ZNF155: variants seen among roughly 807,000 people sequenced by gnomAD.
ZNF155 encodes the protein zinc finger protein 155.
Under a neutral mutation model 11.9 loss-of-function variants are expected in ZNF155, and 15 were observed. The ratio of observed to expected loss-of-function variants is 1.26; its 90% CI spans 0.84 to 1.94. The LOEUF is 1.94. ZNF155 is among the 30% of genes most tolerant of loss of function. ZNF155 has a pLI of 0.00. For synonymous variants in ZNF155, 212 were observed against 219.9 expected (o/e 0.96, Z 0.32); for missense variants, 602 against 639.1 (o/e 0.94, Z 0.63).
chr19:43,995,434 G>C (rs1207825297), intron 4 of ZNF155, among the ~76,000 whole-genome samples: 2 of 147,590 alleles, frequency 1.4e-5, no homozygotes, highest in East Asian at 3.9e-4. Flanking sequence ...TTTGAGACAG[G>C]GTCTCGCTCT....
rs965129602 is a variant in ZNF155 at position 43,994,967 on chromosome 19, T to C, written c.236-1126T>C. On this transcript the variant is annotated intron_variant, in intron 4 of 4. Coordinates refer to ENST00000270014, the MANE Select transcript of ZNF155 (RefSeq NM_198089.3). The stretch of plus-strand genomic sequence containing the variant: ...ATTTGCCAGTTGCAACCATAAATTA[T>C]ATTGTTTCACTATGCAGAGTGATCC... Among the ~76,000 whole-genome samples the C allele has an allele frequency of 7.9e-5, 12 of 152,306 alleles. No individual in the cohort carries two copies. In the East Asian group the frequency reaches 2.3e-3, roughly 29 times the overall value.
intron 1 of ZNF155, 101 bp downstream of exon 1, chr19:43,984,346 G>C (rs1015531056): frequency 4.6e-5 from 7 of 151,752 alleles, no homozygotes. Context: ...GAGAAGACCT[G>C]AGGTTTGGAG....
rs567206120 is a variant in ZNF155 at position 43,995,300 on chromosome 19, C to T, written c.236-793C>T. The stretch of plus-strand genomic sequence containing the variant: ...CTAATTTTTGTATTTTTAGCAGAGA[C>T]GGGGTTTCAAGGCCAGGCTGGTCTT... On this transcript the variant is annotated intron_variant, in intron 4 of 4. Coordinates refer to ENST00000270014, the MANE Select transcript of ZNF155 (RefSeq NM_198089.3). Among the ~76,000 whole-genome samples, 949 of 151,724 alleles carry T rather than the reference C, an allele frequency of 6.3e-3. 16 individuals are homozygous for T. Among genetic ancestry groups the T allele is most frequent in the African/African-American group, 0.022 (894 of 41,362 alleles).
chr19:43,995,604 G>A (rs775840535), intron 4 of ZNF155, among the ~76,000 whole-genome samples: 1 of 151,880 alleles, frequency 6.6e-6, no homozygotes, highest in African/African-American at 2.4e-5. Context: ...GGCTGGTCTC[G>A]AACTGCTGGA....
chr19:43,994,940 G>C (rs1975781873), intron 4 of ZNF155, among the ~76,000 whole-genome samples: 1 of 152,076 alleles, frequency 6.6e-6, no homozygotes, highest in Non-Finnish European at 1.5e-5. Context: ...ATCCCCCAAA[G>C]GATTTGCCAG....
Position 43,997,546 on chromosome 19 carries a change from A to G in ZNF155, c.*72A>G. On this transcript the variant is annotated 3_prime_UTR_variant, in exon 5 of 5. Transcript: ENST00000270014. ...CAATTTATAGTGATCCAATCAGTGT[A>G]ATTGGTGTATCTGTTACCTCAAACA... 8.0e-7 allele frequency: 1 copy of G among 1,247,738 alleles called. No individual in the cohort carries two copies. The highest frequency in any genetic ancestry group is 1.1e-6 in the Non-Finnish European group (1 of 914,848). 77.3% of individuals were successfully genotyped at this position (1,247,738 alleles called of 1,614,324 possible).
At chr19:43,986,156 A>C (rs554318311) in intron 1 of ZNF155, among the ~76,000 whole-genome samples, 2 of 152,326 alleles carry the variant, frequency 1.3e-5, no homozygotes, top group African/African-American at 4.8e-5. Context: ...GAGCATTTTA[A>C]AATTAGATTA....
intron 2 of ZNF155, among the ~76,000 whole-genome samples, chr19:43,989,395 A>G (rs405763): frequency 0.38 from 57,553 of 152,118 alleles, 11,881 homozygotes; most frequent in East Asian, 0.55. Context: ...GTGTTCTGTT[A>G]CTACATTTAC....
At position 43,998,147 on chromosome 19, in the gene ZNF155, T is replaced by C. The variant is rs1393239304; in HGVS notation, c.*673T>C. The C allele has an allele frequency of 9.9e-5, 15 of 152,058 alleles. No individual in the cohort carries two copies. Among genetic ancestry groups the C allele is most frequent in the Admixed American group, 9.2e-4 (14 of 15,250 alleles). 9.4% of individuals were successfully genotyped at this position (152,058 alleles called of 1,614,324 possible). On this transcript the variant is annotated 3_prime_UTR_variant, in exon 5 of 5. Transcript: ENST00000270014. ...GTTCCTGATTGGTCCCGGGCCAAGG[T>C]CCCAGACCAAGCTGAATCACGCTTT...
rs142779106 is a variant in ZNF155 at position 43,996,967 on chromosome 19, A to C, written c.1110A>C (p.Lys370Asn). The C allele has an allele frequency of 6.2e-7, 1 of 1,614,016 alleles. No homozygotes were observed. Among genetic ancestry groups the C allele is most frequent in the Non-Finnish European group, 8.5e-7 (1 of 1,180,004 alleles). ...YKHQVVHTGE[K>N]PYNCKECGKS... The stretch of plus-strand genomic sequence containing the variant: ...ATCAGGTGGTCCACACAGGAGAAAA[A>C]CCATATAATTGTAAAGAATGTGGGA... Residue 370 changes from lysine to asparagine, a missense_variant, in exon 5 of 5, where the codon AAA (lysine) becomes AAC (asparagine). Physicochemically the swap from Lys to Asn is moderately conservative, Grantham distance 94. Transcript: ENST00000270014.
chr19:43,987,121 A>T lies in ZNF155; in HGVS notation c.-85-1338A>T, dbSNP rs959908618. 3.9e-5 allele frequency among the ~76,000 whole-genome samples: 6 copies of T among 152,226 alleles called. No individual in the cohort carries two copies. In the South Asian group the frequency reaches 8.3e-4, roughly 21 times the overall value. ...TTTATTAAATATTAGATATCTGTTT[A>T]AAAAACTACTAATTGTGCTTATAGT... is the stretch of plus-strand genomic sequence containing the variant. On this transcript the variant is annotated intron_variant, in intron 1 of 4. Transcript: ENST00000270014.
chr19:43,990,199 A>G (rs396786), intron 2 of ZNF155: 200,242 of 779,920 alleles, frequency 0.26, 27,243 homozygotes, highest in Admixed American at 0.39. Context: ...TTTTCATTTG[A>G]AATTATTATT....
intron 4 of ZNF155, among the ~76,000 whole-genome samples, chr19:43,993,023 A>G (rs1262213210): frequency 6.6e-6 from 1 of 152,202 alleles, no homozygotes; most frequent in Non-Finnish European, 1.5e-5. Flanking sequence ...TTGAATGAGG[A>G]TTTCCAGCTA....
intron 2 of ZNF155, among the ~76,000 whole-genome samples, chr19:43,990,711 C>G (rs1975628084): frequency 6.6e-6 from 1 of 152,230 alleles, no homozygotes; most frequent in Non-Finnish European, 1.5e-5. Flanking sequence ...AGTAGGTTCA[C>G]TGTGCACTGA....
chr19:43,992,113 C>T lies in ZNF155; in HGVS notation c.235+179C>T, dbSNP rs186560339. ...ATATCTGTTCTCATGGCAGCCAAAGCGATCCTTAGGAAATGGAAGTCAGAT... is the reference window on the plus strand; with the variant it reads ...ATATCTGTTCTCATGGCAGCCAAAGTGATCCTTAGGAAATGGAAGTCAGAT... On this transcript the variant is annotated intron_variant, in intron 4 of 4. Transcript: ENST00000270014. Among the ~76,000 whole-genome samples the T allele has an allele frequency of 1.5e-3, 233 of 152,256 alleles. 2 individuals carry two copies. The highest frequency in any genetic ancestry group is 5.0e-3 in the African/African-American group (209 of 41,548).
chr19:43,990,198 G>C lies in ZNF155; in HGVS notation c.16-1350G>C, dbSNP rs989182698. The C allele has an allele frequency of 1.7e-5, 14 of 802,208 alleles. No homozygotes were observed. In the South Asian group the frequency reaches 2.8e-4, roughly 16 times the overall value. The allele number at this position is 802,208 out of a possible 1,614,324, so 49.7% of individuals were successfully genotyped here. A position where few individuals can be genotyped will look rare whatever the true frequency, so the allele number is the denominator to read the frequency against. On this transcript the variant is annotated intron_variant, in intron 2 of 4. Coordinates refer to ENST00000270014, the MANE Select transcript of ZNF155 (RefSeq NM_198089.3). ...TTTTTTGATGTTTTAATTTTCATTT[G>C]AAATTATTATTTTAAACAATGAGAG...
chr19:43,995,314 C>A (rs954485432), intron 4 of ZNF155, among the ~76,000 whole-genome samples: 3 of 151,764 alleles, frequency 2.0e-5, no homozygotes, highest in African/African-American at 7.3e-5. Flanking sequence ...GTTTCAAGGC[C>A]AGGCTGGTCT....
chr19:43,987,077 G>T (rs1975486332), intron 1 of ZNF155, among the ~76,000 whole-genome samples: 1 of 152,142 alleles, frequency 6.6e-6, no homozygotes, highest in East Asian at 1.9e-4. Flanking sequence ...ACAATATTAA[G>T]ATATCATATT....
At chr19:43,993,349 T>C (rs1243012493) in intron 4 of ZNF155, among the ~76,000 whole-genome samples, 2 of 152,232 alleles carry the variant, frequency 1.3e-5, no homozygotes, top group South Asian at 4.1e-4. Flanking sequence ...CTGTTAGGAA[T>C]TGGGAAACTG....
Sources: allele counts gnomAD v4.1 joint callset (sites outside exome capture counted in the v4.1 genomes callset), GRCh38; gene constraint gnomAD v4.1.1; transcripts MANE v1.5; gene names NCBI Gene and HGNC (gene_info 2026-07-23, HGNC 2026-07-21).